The following PIK3CD variants were observed in gnomAD, a reference collection of about 807,000 sequenced individuals.
PIK3CD encodes phosphatidylinositol 4,5-bisphosphate 3-kinase catalytic subunit delta isoform.
In PIK3CD, 20 loss-of-function variants were observed where a neutral mutation model predicts 122.9. The ratio of observed to expected loss-of-function variants is 0.16; its 90% CI spans 0.11 to 0.24. The LOEUF (loss-of-function observed/expected upper bound fraction) is 0.24, where lower values mean the gene tolerates loss of function less well. Ranked by LOEUF, PIK3CD falls within the 10% of genes least tolerant of loss-of-function variation. The pLI, the probability that PIK3CD is intolerant of heterozygous loss-of-function variation, is 1.00. For missense variants in PIK3CD, 787 were observed against 1,406.3 expected (o/e 0.56, Z 7.04); for synonymous variants, 596 against 593.4 (o/e 1.00, Z -0.06).
At position 9,652,233 on chromosome 1, in the gene PIK3CD, A is replaced by AG. The variant is rs1013746383; in HGVS notation, c.-138+435dup. On this transcript the variant is annotated intron_variant, in intron 1 of 23. Transcript: ENST00000377346. This position sits in a 1 kb window ranked among gnomAD's most constrained non-coding sequence, Gnocchi z 6.2. ...CGCTCCGAGCGCTGACTAGAGGACC[A>AG]GGGGCCTCCTCTGTACGGCAGCGGG... Among the ~76,000 whole-genome samples the AG allele has an allele frequency of 6.6e-6, 1 of 152,210 alleles. No homozygotes were observed. Among genetic ancestry groups the AG allele is most frequent in the African/African-American group, 2.4e-5 (1 of 41,466 alleles).
the PIK3CD span, among the ~76,000 whole-genome samples, chr1:9,635,657 T>C: frequency 2.6e-5 from 4 of 152,334 alleles, no homozygotes; most frequent in Admixed American, 1.3e-4. Context: ...GGTGTAGCCA[T>C]GTGGATGCGT....
At chr1:9,638,419 G>T in the PIK3CD span, among the ~76,000 whole-genome samples, 1 of 151,860 alleles carries the variant, frequency 6.6e-6, no homozygotes, top group Non-Finnish European at 1.5e-5. Context: ...CTCCAAACCC[G>T]CTTCCGATGC....
rs1647691104 is a variant in PIK3CD, at chr1:9,717,505, CG to C, written c.931-31del. 7 of 1,601,454 alleles carry C rather than the reference CG, an allele frequency of 4.4e-6. No individual in the cohort carries two copies. In the South Asian group the frequency reaches 7.7e-5, roughly 18 times the overall value. ...CAGGGAGACAAGCTGCACTTTGAGCCGTGTTAACAGCCCTGCTTCCCCGGCC... is the reference window on the plus strand; with the variant it reads ...CAGGGAGACAAGCTGCACTTTGAGCCTGTTAACAGCCCTGCTTCCCCGGCC... On this transcript the variant is annotated intron_variant, in intron 7 of 23. Transcript: ENST00000377346. This position sits in a 1 kb window ranked among gnomAD's most constrained non-coding sequence, Gnocchi z 5.4.
chr1:9,721,886 G>T (rs770788677), intron 16 of PIK3CD, 26 bp downstream of exon 16: 1 of 1,611,890 alleles, frequency 6.2e-7, no homozygotes, highest in South Asian at 1.1e-5. Context: ...CTGGGGGGCG[G>T]GCAGGGGGCG....
intron 1 of PIK3CD, among the ~76,000 whole-genome samples, chr1:9,667,671 C>T (rs1282772879): frequency 2.6e-5 from 4 of 151,546 alleles, no homozygotes; most frequent in Admixed American, 6.6e-5. Flanking sequence ...CCACCGTGCC[C>T]GGCCGAAATA....
chr1:9,653,983 A>T, intron 1 of PIK3CD: 1 of 1,334,172 alleles, frequency 7.5e-7, no homozygotes, highest in Non-Finnish European at 9.9e-7. Flanking sequence ...AGACGGGAGG[A>T]TCACTTGAAG....
chr1:9,691,852 T>C, intron 2 of PIK3CD: 1 of 295,986 alleles, frequency 3.4e-6, no homozygotes, highest in Non-Finnish European at 6.2e-6. Context: ...AGCCCATTAC[T>C]AAGCTGCAGC....
chr1:9,692,311 G>C (rs535195258), intron 2 of PIK3CD, among the ~76,000 whole-genome samples: 1 of 152,240 alleles, frequency 6.6e-6, no homozygotes, highest in Non-Finnish European at 1.5e-5. Flanking sequence ...AGGATGGAAA[G>C]GGGCAGGGGT....
At chr1:9,650,614 A>G (rs991827535), upstream of PIK3CD, among the ~76,000 whole-genome samples, 3 of 151,956 alleles carry the variant, frequency 2.0e-5, no homozygotes, top group Middle Eastern at 3.2e-3. Flanking sequence ...ACAGAGCAAG[A>G]CTGTCTCAAA....
the PIK3CD span, among the ~76,000 whole-genome samples, chr1:9,632,770 C>T: frequency 6.6e-6 from 1 of 152,050 alleles, no homozygotes; most frequent in African/African-American, 2.4e-5. Flanking sequence ...CTCTAGATCC[C>T]TTCTAGTCTA....
rs372736994 is a variant in PIK3CD at position 9,727,184 on chromosome 1, GTTAT to G, written c.*147_*150del. 6.7e-5 allele frequency: 64 copies of G among 950,082 alleles called. 1 individual carries two copies. Among genetic ancestry groups the G allele is most frequent in the Middle Eastern group, 2.6e-4 (1 of 3,810 alleles). The allele number at this position is 950,082 out of a possible 1,614,324, so 58.9% of individuals were successfully genotyped here. On this transcript the variant is annotated 3_prime_UTR_variant, in exon 24 of 24. Coordinates refer to ENST00000377346, the MANE Select transcript of PIK3CD (RefSeq NM_005026.5). ...ACATGGCTGCCTTTTGTTTACACTG[GTTAT>G]TTATTTATGACTTGAAATAGTTTAA... is the stretch of plus-strand genomic sequence containing the variant.
upstream of PIK3CD, among the ~76,000 whole-genome samples, chr1:9,648,885 C>T (rs1170325246): frequency 1.3e-5 from 2 of 152,066 alleles, no homozygotes; most frequent in Admixed American, 6.6e-5. Context: ...GCAGATCACC[C>T]GAGGCCTGAG....
At position 9,718,941 on chromosome 1, in the gene PIK3CD, G is replaced by T; in HGVS notation, c.1242+26G>T. 1 of 1,601,648 alleles carries T rather than the reference G, an allele frequency of 6.2e-7. No individual in the cohort carries two copies. Among genetic ancestry groups the T allele is most frequent in the South Asian group, 1.1e-5 (1 of 90,884 alleles). ...GTGGGTCCCAGGGCCGGCTGGGAGG[G>T]GTGCAGACCCCGGAGAGCCAGTACA... On this transcript the variant is annotated intron_variant, in intron 9 of 23. Coordinates refer to ENST00000377346, the MANE Select transcript of PIK3CD (RefSeq NM_005026.5). The surrounding 1 kb of genome is among the most constrained non-coding windows in gnomAD (Gnocchi z 7.2).
chr1:9,675,860 G>A (rs1406702105), intron 1 of PIK3CD, among the ~76,000 whole-genome samples: 1 of 151,812 alleles, frequency 6.6e-6, no homozygotes, highest in Admixed American at 6.6e-5. Context: ...CAACCTCTTG[G>A]GCTCAAGCAA....
chr1:9,629,110 G>A, the PIK3CD span, among the ~76,000 whole-genome samples: 1 of 152,078 alleles, frequency 6.6e-6, no homozygotes, highest in Admixed American at 6.6e-5. Context: ...TGGGGGTCTC[G>A]GGCCACTGAC....
intron 1 of PIK3CD, among the ~76,000 whole-genome samples, chr1:9,688,513 A>G (rs1377233346): frequency 6.6e-6 from 1 of 152,132 alleles, no homozygotes; most frequent in East Asian, 1.9e-4. Flanking sequence ...ACTTACAACC[A>G]AGGGAGAACA....
intron 1 of PIK3CD, among the ~76,000 whole-genome samples, chr1:9,690,910 T>C (rs1013680342): frequency 4.3e-4 from 66 of 152,106 alleles, no homozygotes; most frequent in African/African-American, 1.5e-3. Context: ...TTTCCCTCTT[T>C]GGGGTTCTGT....
intron 1 of PIK3CD, among the ~76,000 whole-genome samples, chr1:9,665,659 C>A (rs1645137256): frequency 6.6e-6 from 1 of 151,988 alleles, no homozygotes; most frequent in Non-Finnish European, 1.5e-5. Flanking sequence ...TATTCCGCAG[C>A]CAGATATTAT....
Position 9,723,032 on chromosome 1 carries a change from C to A in PIK3CD, c.2427-93C>A. ...ATGTGGGCAGCAGCATCTTCTGTGG[C>A]TTTTTGGGGCACCATGAGTTTCTGG... On this transcript the variant is annotated intron_variant, in intron 19 of 23. Coordinates refer to ENST00000377346, the MANE Select transcript of PIK3CD (RefSeq NM_005026.5). This position sits in a 1 kb window ranked among gnomAD's most constrained non-coding sequence, Gnocchi z 4.9. 7.7e-7 allele frequency: 1 copy of A among 1,299,140 alleles called. No individual in the cohort carries two copies. Among genetic ancestry groups the A allele is most frequent in the Non-Finnish European group, 1.1e-6 (1 of 897,310 alleles). The allele number at this position is 1,299,140 out of a possible 1,614,324, so 80.5% of individuals were successfully genotyped here. A position where few individuals can be genotyped will look rare whatever the true frequency, so the allele number is the denominator to read the frequency against.
Sources: gnomAD v4.1 joint callset for allele counts (sites outside exome capture counted in the v4.1 genomes callset) on GRCh38, gnomAD v4.1.1 for gene constraint, Gnocchi (gnomAD v3.1) non-coding constraint, MANE v1.5 for transcripts, NCBI Gene and HGNC (gene_info 2026-07-23, HGNC 2026-07-21) for gene names.